The following RADIL variants were observed in gnomAD, a reference collection of about 807,000 sequenced individuals.
RADIL encodes the protein ras-associating and dilute domain-containing protein.
A neutral mutation model predicts 97.6 loss-of-function variants in RADIL; 99 were observed. That is an observed-to-expected ratio of 1.01 (90% CI 0.86 to 1.20). The LOEUF (loss-of-function observed/expected upper bound fraction) is 1.20, where lower values mean the gene tolerates loss of function less well. Ranked by LOEUF, RADIL falls within the 50% of genes most tolerant of loss-of-function variation. The probability of loss-of-function intolerance (pLI) is 0.00; values close to 1 mark genes in which losing one functional copy is unlikely to be tolerated. For synonymous variants in RADIL, 803 were observed against 691.8 expected, an observed-to-expected ratio of 1.16 and a Z score of -2.52; for missense variants, 1,765 against 1,498.9, an observed-to-expected ratio of 1.18 and a Z score of -2.93.
chr7:4,863,624 C>T (rs1784070759), intron 2 of RADIL, among the ~76,000 whole-genome samples: 1 of 152,182 alleles, frequency 6.6e-6, no homozygotes, highest in Non-Finnish European at 1.5e-5. Context: ...TGTAAGAGGA[C>T]ATGTGGTTTT....
intron 9 of RADIL, among the ~76,000 whole-genome samples, chr7:4,811,486 T>C (rs139487702): frequency 8.4e-6 from 1 of 118,394 alleles, no homozygotes; most frequent in Non-Finnish European, 1.7e-5. Flanking sequence ...TTTCTTTTTT[T>C]TTTTTTTTTT....
In RADIL at chr7:4,837,789, TG is replaced by T. The variant is rs761521396; in HGVS notation, c.536-1185del. The stretch of plus-strand genomic sequence containing the variant: ...AGACACGCTCTCTAAATGCATGCTC[TG>T]GGAAAGCCAGCCGGCTGCGATAGAT... On this transcript the variant is annotated intron_variant, in intron 2 of 14. Coordinates refer to ENST00000399583, the MANE Select transcript of RADIL (RefSeq NM_018059.5). The surrounding 1 kb of genome is among the most constrained non-coding windows in gnomAD (Gnocchi z 5.6). 68 of 969,382 alleles carry T rather than the reference TG, an allele frequency of 7.0e-5. No individual in the cohort carries two copies. Among genetic ancestry groups the T allele is most frequent in the Non-Finnish European group, 8.0e-5 (65 of 815,612 alleles). 60.0% of individuals were successfully genotyped at this position (969,382 alleles called of 1,614,324 possible). A position where few individuals can be genotyped will look rare whatever the true frequency, so the allele number is the denominator to read the frequency against.
intron 9 of RADIL, chr7:4,809,381 G>A (rs953622713): frequency 5.1e-6 from 5 of 985,138 alleles, no homozygotes; most frequent in Admixed American, 6.1e-5. Flanking sequence ...CTGAGCGGGG[G>A]GAGGCGGAGA....
At chr7:4,803,386 C>T (rs1782180757) in intron 11 of RADIL, among the ~76,000 whole-genome samples, 160 bp downstream of exon 11, 1 of 128,186 alleles carries the variant, frequency 7.8e-6, no homozygotes, top group African/African-American at 3.3e-5. Context: ...GTGGCCCCCT[C>T]CCCGGGCACC....
At chr7:4,844,767 G>A in intron 2 of RADIL, among the ~76,000 whole-genome samples, 1 of 152,114 alleles carries the variant, frequency 6.6e-6, no homozygotes, top group African/African-American at 2.4e-5. Flanking sequence ...ACCACGCCCA[G>A]CTAATTTTGT....
rs1782855669 is a variant in RADIL, at chr7:4,822,321, G to A, written c.1615+73C>T. 1 of 1,481,368 alleles carries A rather than the reference G, an allele frequency of 6.8e-7. No individual in the cohort carries two copies. The highest frequency in any genetic ancestry group is 9.1e-7 in the Non-Finnish European group (1 of 1,102,988). The allele number at this position is 1,481,368 out of a possible 1,614,324, so 91.8% of individuals were successfully genotyped here. On this transcript the variant is annotated intron_variant, in intron 6 of 14. Transcript: ENST00000399583. The surrounding 1 kb of genome is among the most constrained non-coding windows in gnomAD (Gnocchi z 5.3). ...GCTATCATGGCCAACTAGGTTCCGA[G>A]GACGGCGAGGAGATGCCACACTCCC...
intron 2 of RADIL, 27 bp from the exon 3 acceptor site, chr7:4,836,632 CAGTT>C (rs1783308337): frequency 6.2e-7 from 1 of 1,603,316 alleles, no homozygotes; most frequent in African/African-American, 1.3e-5. Flanking sequence ...ACAAGGTGAA[CAGTT>C]AGAAGTCTCA....
intron 5 of RADIL, among the ~76,000 whole-genome samples, chr7:4,823,567 G>T (rs1782893537): frequency 6.6e-6 from 1 of 152,138 alleles, no homozygotes; most frequent in South Asian, 2.1e-4. Context: ...TAGGGGTTGG[G>T]GGGGCGCCCT....
Position 4,801,678 on chromosome 7 carries a change from G to A in RADIL, c.2817C>T (p.Ser939=), listed in dbSNP as rs372429840. 193 of 1,604,450 alleles carry A rather than the reference G, an allele frequency of 1.2e-4. No individual in the cohort carries two copies. Among genetic ancestry groups the A allele is most frequent in the African/African-American group, 4.4e-4 (33 of 74,846 alleles). ...CTTCCGGAGCTGCACCCCGGAGGCC[G>A]CTGAGTCCGTTCCTCTGCCTCTCTG... ...ALPERQRNGL[S]GLRGAAPEGD... is the part of the protein sequence containing the mutation. The change falls in exon 12 of 15, where the codon AGC becomes AGT. Residue 939 remains serine (S), a synonymous_variant. Transcript: ENST00000399583.
intron 2 of RADIL, chr7:4,859,441 A>T (rs542449885): frequency 1.4e-3 from 230 of 158,832 alleles, no homozygotes; most frequent in Non-Finnish European, 2.4e-3. Context: ...TAGTCCTTTG[A>T]AATAGTTAAT....
intron 10 of RADIL, 176 bp from the exon 11 acceptor site, chr7:4,803,930 C>T: frequency 1.4e-6 from 1 of 704,740 alleles, no homozygotes; most frequent in Non-Finnish European, 2.6e-6. Context: ...CCCTAGGACT[C>T]ATCCCTTCTG....
intron 2 of RADIL, among the ~76,000 whole-genome samples, chr7:4,871,154 G>A (rs982937892): frequency 6.6e-6 from 1 of 152,210 alleles, no homozygotes; most frequent in African/African-American, 2.4e-5. Context: ...GGTTTCCCAC[G>A]GTGACTCTGT....
rs78543918 is a variant in RADIL, at chr7:4,842,789, C to T, written c.536-6184G>A. On this transcript the variant is annotated intron_variant, in intron 2 of 14. Coordinates refer to ENST00000399583, the MANE Select transcript of RADIL (RefSeq NM_018059.5). This position sits in a 1 kb window ranked among gnomAD's most constrained non-coding sequence, Gnocchi z 4.5. ...GAGATGAAGTGACTAGGAGTGGAGA[C>T]GGAGGGGATAATGAAACGTTCCTGG... 0.015 allele frequency among the ~76,000 whole-genome samples: 2,274 copies of T among 152,124 alleles called. 31 individuals carry two copies. The highest frequency in any genetic ancestry group is 0.025 in the South Asian group (120 of 4,828).
At chr7:4,829,940 A>C (rs1214138520) in intron 5 of RADIL, among the ~76,000 whole-genome samples, 1 of 152,138 alleles carries the variant, frequency 6.6e-6, no homozygotes, top group Non-Finnish European at 1.5e-5. Context: ...AAAGGCACGG[A>C]TGGGAATCAC....
intron 2 of RADIL, among the ~76,000 whole-genome samples, chr7:4,874,439 G>C (rs950820615): frequency 2.6e-5 from 4 of 152,358 alleles, no homozygotes; most frequent in African/African-American, 9.6e-5. Context: ...ATGAGCAGAA[G>C]CATGTGTGCA....
At chr7:4,866,685 A>AG (rs1418927372) in intron 2 of RADIL, among the ~76,000 whole-genome samples, 10 of 152,182 alleles carry the variant, frequency 6.6e-5, no homozygotes, top group African/African-American at 2.4e-4. Context: ...AAGTGTCTCC[A>AG]GGGGAGACTT....
At chr7:4,808,950 C>T in intron 9 of RADIL, 2 of 872,746 alleles carry the variant, frequency 2.3e-6, no homozygotes, top group South Asian at 5.8e-5. Flanking sequence ...CCCTCCACGT[C>T]TCCTTCCGAC....
At chr7:4,841,208 T>A (rs1198692670) in intron 2 of RADIL, among the ~76,000 whole-genome samples, 2 of 152,168 alleles carry the variant, frequency 1.3e-5, no homozygotes, top group Non-Finnish European at 2.9e-5. Flanking sequence ...CAGGCCGAGG[T>A]CAGCTGTGGC....
At chr7:4,812,461 A>C (rs1782573092) in intron 9 of RADIL, among the ~76,000 whole-genome samples, 1 of 151,520 alleles carries the variant, frequency 6.6e-6, no homozygotes, top group Admixed American at 6.6e-5. Context: ...TTGCTCTGTC[A>C]CCCAGGCTGG....
Sources: allele counts gnomAD v4.1 joint callset (sites outside exome capture counted in the v4.1 genomes callset), GRCh38; gene constraint gnomAD v4.1.1; non-coding constraint Gnocchi (gnomAD v3.1); transcripts MANE v1.5; gene names NCBI Gene and HGNC (gene_info 2026-07-23, HGNC 2026-07-21).